Variants in ZNF600 observed in about 807,000 individuals in gnomAD.
ZNF600 encodes the protein zinc finger protein 600, also known as zinc finger protein KR-ZNF1.
Under a neutral mutation model 7.3 loss-of-function variants are expected in ZNF600, and 4 were observed. The observed-to-expected ratio is 0.55, with a 90% CI of 0.27 to 1.25. The LOEUF (loss-of-function observed/expected upper bound fraction) is 1.25. Among genes scored for constraint, ZNF600 ranks in the 50% most tolerant of loss-of-function variants. The pLI is 0.12. For missense variants in ZNF600, 911 were observed against 922.1 expected (o/e 0.99, Z 0.16); for synonymous variants, 290 against 308.9 (o/e 0.94, Z 0.64).
At chr19:52,789,813 T>C (rs992122130), upstream of ZNF600, among the ~76,000 whole-genome samples, 5 of 152,186 alleles carry the variant, frequency 3.3e-5, no homozygotes, top group African/African-American at 1.2e-4. Flanking sequence ...CAGCCTTTGT[T>C]TGAGCAACAT....
chr19:52,794,225 C>T, the ZNF600 span, among the ~76,000 whole-genome samples: 11 of 152,278 alleles, frequency 7.2e-5, no homozygotes, highest in East Asian at 2.1e-3. Flanking sequence ...TGAGTCTAAT[C>T]CCGTTTTTCC....
the ZNF600 span, among the ~76,000 whole-genome samples, chr19:52,803,594 A>G: frequency 0.43 from 65,937 of 152,098 alleles, 16,282 homozygotes; most frequent in Non-Finnish European, 0.58. Context: ...AGCACACAAC[A>G]TAAGAACTGA....
chr19:52,778,504 G>C (rs1218345210), intron 2 of ZNF600, among the ~76,000 whole-genome samples: 2 of 152,078 alleles, frequency 1.3e-5, no homozygotes, highest in Non-Finnish European at 2.9e-5. Flanking sequence ...TCCACAAAGA[G>C]CTGACATCCA....
At chr19:52,815,073 A>G in the ZNF600 span, among the ~76,000 whole-genome samples, 1 of 120,522 alleles carries the variant, frequency 8.3e-6, no homozygotes, top group Admixed American at 8.9e-5. Context: ...ATGTATAGAT[A>G]TGTGTGTATG....
chr19:52,782,250 G>A lies in ZNF600; in HGVS notation c.-19-3343C>T, dbSNP rs1363030646. ...AAAAAATAAAAATTAAAGGCTGGAC[G>A]CAGCAGCTCATGCCTGTAATCACAG... is the stretch of plus-strand genomic sequence containing the variant. On this transcript the variant is annotated intron_variant, in intron 1 of 3. Transcript: ENST00000648973. Among the ~76,000 whole-genome samples the A allele has an allele frequency of 5.3e-5, 8 of 152,202 alleles. No homozygotes were observed. The East Asian group carries it at 1.4e-3, about 26-fold the overall frequency.
At chr19:52,805,190 A>C in the ZNF600 span, 2 of 152,032 alleles carry the variant, frequency 1.3e-5, no homozygotes, top group African/African-American at 4.8e-5. Flanking sequence ...GAATTGCTTG[A>C]ACCTGGGAAG....
chr19:52,777,266 T>C (rs1373414763), intron 2 of ZNF600, among the ~76,000 whole-genome samples: 2 of 151,422 alleles, frequency 1.3e-5, no homozygotes, highest in African/African-American at 2.4e-5. Flanking sequence ...TAATCCCAGA[T>C]ACTCGGGAGG....
chr19:52,778,897 A>G, exon 2 of ZNF600: 1 of 1,601,078 alleles, frequency 6.2e-7, no homozygotes. Context: ...ATGAGTCTTT[A>G]GGAATCAATC....
intron 1 of ZNF600, among the ~76,000 whole-genome samples, chr19:52,782,162 C>T (rs1449370479): frequency 1.3e-5 from 2 of 151,274 alleles, no homozygotes; most frequent in Non-Finnish European, 2.9e-5. Flanking sequence ...CAGGAGGTTG[C>T]CGCTGCACTG....
the ZNF600 span, among the ~76,000 whole-genome samples, chr19:52,826,766 C>T: frequency 6.6e-6 from 1 of 152,152 alleles, no homozygotes; most frequent in Non-Finnish European, 1.5e-5. Flanking sequence ...GTCCCAGCTA[C>T]TTGGGAGGCT....
At chr19:52,800,274 A>G in the ZNF600 span, 1,443,133 of 1,612,962 alleles carry the variant, frequency 0.89, 647,149 homozygotes, top group East Asian at 0.93. Context: ...TTCATTACAC[A>G]TGTATGGTTT....
the ZNF600 span, chr19:52,800,916 C>T: frequency 8.1e-6 from 13 of 1,613,944 alleles, no homozygotes; most frequent in Middle Eastern, 1.6e-4. Flanking sequence ...GTGTGATTTG[C>T]GACTGAAAAC....
At chr19:52,765,466 A>G in exon 4 of ZNF600, 1 of 1,427,114 alleles carries the variant, frequency 7.0e-7, no homozygotes, top group Non-Finnish European at 9.9e-7. Context: ...ACTGCAATGT[A>G]TGAATGATGT....
the ZNF600 span, among the ~76,000 whole-genome samples, chr19:52,824,014 A>C: frequency 1.3e-5 from 2 of 151,944 alleles, no homozygotes; most frequent in Non-Finnish European, 2.9e-5. Flanking sequence ...GTGGTGAGCC[A>C]AGATCACGCC....
chr19:52,777,072 T>TTGA (rs2062681613), intron 2 of ZNF600, among the ~76,000 whole-genome samples: 1 of 152,070 alleles, frequency 6.6e-6, no homozygotes, highest in Non-Finnish European at 1.5e-5. Context: ...TTCCACTCCA[T>TTGA]CCCAAGTCAT....
At chr19:52,798,134 A>AC in the ZNF600 span, 1 of 158,732 alleles carries the variant, frequency 6.3e-6, no homozygotes, top group Non-Finnish European at 1.4e-5. Flanking sequence ...AAAAACAAAA[A>AC]CAAAAAAAAG....
chr19:52,793,016 G>A, the ZNF600 span, among the ~76,000 whole-genome samples: 242 of 151,874 alleles, frequency 1.6e-3, 1 homozygote, highest in African/African-American at 5.3e-3. Context: ...GATTACAGGC[G>A]TGAGCCACTG....
chr19:52,807,754 C>T, the ZNF600 span: 24 of 604,124 alleles, frequency 4.0e-5, 1 homozygote, highest in Admixed American at 6.8e-5. Flanking sequence ...GGATAACAGG[C>T]GTGAGCCACC....
At chr19:52,828,929 C>T in the ZNF600 span, among the ~76,000 whole-genome samples, 4 of 152,226 alleles carry the variant, frequency 2.6e-5, no homozygotes, top group Admixed American at 6.5e-5. Context: ...GGCAGGATCT[C>T]GGCTGAATGC....
Sources: allele counts gnomAD v4.1 joint callset (sites outside exome capture counted in the v4.1 genomes callset), GRCh38; gene constraint gnomAD v4.1.1; transcripts MANE v1.5; gene names NCBI Gene and HGNC (gene_info 2026-07-23, HGNC 2026-07-21).